The following NCAM2 variants were observed in gnomAD, a reference collection of about 807,000 sequenced individuals.
NCAM2 encodes neural cell adhesion molecule 2, also known as N-CAM-2.
Under a neutral mutation model 98.1 loss-of-function variants are expected in NCAM2, and 30 were observed. The observed-to-expected ratio is 0.31, with a 90% CI of 0.23 to 0.41. NCAM2 has a LOEUF of 0.41. Among genes scored for constraint, NCAM2 ranks in the 10% least tolerant of loss-of-function variants. The pLI is 1.00. For missense variants in NCAM2, 867 were observed against 1,005.8 expected, an observed-to-expected ratio of 0.86 and a Z score of 1.87; for synonymous variants, 368 against 342.4, an observed-to-expected ratio of 1.07 and a Z score of -0.83.
intron 1 of NCAM2, among the ~76,000 whole-genome samples, chr21:21,051,181 C>A (rs1443824655): frequency 6.6e-6 from 1 of 152,096 alleles, no homozygotes; most frequent in Non-Finnish European, 1.5e-5. Context: ...GTTTTTTTCA[C>A]AGCCAGCAAG....
At chr21:21,308,515 C>T (rs752762052) in intron 5 of NCAM2, among the ~76,000 whole-genome samples, 1 of 151,980 alleles carries the variant, frequency 6.6e-6, no homozygotes, top group Non-Finnish European at 1.5e-5. Context: ...ATAAAGTATC[C>T]CATCCAACCA....
intron 1 of NCAM2, among the ~76,000 whole-genome samples, chr21:21,237,399 A>T (rs751995230): frequency 2.0e-5 from 3 of 152,172 alleles, no homozygotes; most frequent in African/African-American, 7.2e-5. Context: ...TAAATATTTT[A>T]TAGCAAATTG....
intron 12 of NCAM2, among the ~76,000 whole-genome samples, chr21:21,443,334 T>C (rs1446687248): frequency 6.6e-6 from 1 of 152,008 alleles, no homozygotes; most frequent in Non-Finnish European, 1.5e-5. Context: ...AAATGACGAG[T>C]TGATGGGTGC....
chr21:21,051,985 T>TAGAGTC (rs2065118178), intron 1 of NCAM2, among the ~76,000 whole-genome samples: 1 of 152,126 alleles, frequency 6.6e-6, no homozygotes, highest in East Asian at 1.9e-4. Context: ...ACTTTCATTT[T>TAGAGTC]AGAGTCAGAG....
intron 4 of NCAM2, 56 bp from the exon 5 acceptor site, chr21:21,292,048 T>C: frequency 6.4e-7 from 1 of 1,561,454 alleles, no homozygotes; most frequent in East Asian, 2.3e-5. Context: ...TTTAGAGCAC[T>C]CTGGACTTAG....
intron 1 of NCAM2, among the ~76,000 whole-genome samples, chr21:21,265,933 AT>A (rs1436079022): frequency 6.6e-6 from 1 of 152,132 alleles, no homozygotes; most frequent in Non-Finnish European, 1.5e-5. Context: ...AGATTGTTTT[AT>A]TATTCATACA....
At chr21:21,427,710 C>G (rs962053756) in intron 11 of NCAM2, among the ~76,000 whole-genome samples, 2 of 152,142 alleles carry the variant, frequency 1.3e-5, no homozygotes, top group Non-Finnish European at 2.9e-5. Context: ...CCATCTGACT[C>G]CTAGGTCATG....
intron 1 of NCAM2, among the ~76,000 whole-genome samples, chr21:21,075,439 A>G (rs1381421421): frequency 1.3e-5 from 2 of 152,202 alleles, no homozygotes; most frequent in African/African-American, 4.8e-5. Flanking sequence ...CATGATAAAG[A>G]TACTCTTCTT....
In NCAM2 at chr21:21,507,109, GA is replaced by G. The variant is rs113469804; in HGVS notation, c.2078-1732del. Among the ~76,000 whole-genome samples the G allele has an allele frequency of 5.0e-3, 710 of 142,784 alleles. 3 individuals carry two copies. Among genetic ancestry groups the G allele is most frequent in the Middle Eastern group, 0.026 (7 of 272 alleles). The allele number at this position is 142,784 out of a possible 152,430, so 93.7% of individuals were successfully genotyped here. A position where few individuals can be genotyped will look rare whatever the true frequency, so the allele number is the denominator to read the frequency against. ...TAAAAATAACTTAAACCTATTTTTTGAAAAAAAAAATAAAATAATGTAGACA... is the reference window on the plus strand; with the variant it reads ...TAAAAATAACTTAAACCTATTTTTTGAAAAAAAAATAAAATAATGTAGACA... On this transcript the variant is annotated intron_variant, in intron 15 of 17. Coordinates refer to ENST00000400546, the MANE Select transcript of NCAM2 (RefSeq NM_004540.5).
chr21:21,080,858 A>G (rs1487227088), intron 1 of NCAM2, among the ~76,000 whole-genome samples: 1 of 152,006 alleles, frequency 6.6e-6, no homozygotes, highest in Admixed American at 6.6e-5. Flanking sequence ...ATGTTCGACC[A>G]ATGGGTATAA....
intron 1 of NCAM2, among the ~76,000 whole-genome samples, chr21:21,116,045 G>C (rs891784917): frequency 3.1e-5 from 4 of 128,834 alleles, no homozygotes; most frequent in African/African-American, 1.1e-4. Flanking sequence ...GTGTGTGTGT[G>C]TCTTTCATGA....
intron 9 of NCAM2, among the ~76,000 whole-genome samples, chr21:21,402,872 C>A (rs1049641761): frequency 6.6e-6 from 1 of 151,690 alleles, no homozygotes; most frequent in African/African-American, 2.4e-5. Context: ...TTTTGAGAAA[C>A]CTCCATACAG....
At chr21:21,107,468 T>C (rs2066372149) in intron 1 of NCAM2, among the ~76,000 whole-genome samples, 1 of 152,088 alleles carries the variant, frequency 6.6e-6, no homozygotes, top group Non-Finnish European at 1.5e-5. Flanking sequence ...ACAGGTCAGT[T>C]TTTTCTGAAA....
chr21:21,360,519 T>C (rs1349963221), intron 8 of NCAM2, among the ~76,000 whole-genome samples: 1 of 152,034 alleles, frequency 6.6e-6, no homozygotes, highest in African/African-American at 2.4e-5. Context: ...AGATAATGTA[T>C]TTCATACTCT....
chr21:21,087,117 C>G (rs568573854), intron 1 of NCAM2, among the ~76,000 whole-genome samples: 1 of 151,638 alleles, frequency 6.6e-6, no homozygotes, highest in Non-Finnish European at 1.5e-5. Flanking sequence ...TATATTTTCC[C>G]TTAAGTCCTT....
intron 1 of NCAM2, among the ~76,000 whole-genome samples, chr21:21,280,339 CAG>C (rs1325559192): frequency 3.9e-5 from 6 of 152,206 alleles, no homozygotes; most frequent in African/African-American, 1.4e-4. Flanking sequence ...ACTTGACTAA[CAG>C]AATTTCAGAC....
chr21:21,008,676 T>C (rs1853455411), intron 1 of NCAM2, among the ~76,000 whole-genome samples: 1 of 152,204 alleles, frequency 6.6e-6, no homozygotes, highest in Non-Finnish European at 1.5e-5. Flanking sequence ...TACCAAAAAT[T>C]ACTTCTTGGT....
intron 9 of NCAM2, among the ~76,000 whole-genome samples, chr21:21,406,259 G>A (rs942843067): frequency 4.6e-5 from 7 of 152,188 alleles, no homozygotes; most frequent in Admixed American, 6.5e-5. Context: ...GATGGCAGTG[G>A]ATGAAAAGTT....
intron 9 of NCAM2, among the ~76,000 whole-genome samples, chr21:21,406,249 G>T (rs910988580): frequency 8.5e-5 from 13 of 152,188 alleles, no homozygotes; most frequent in Non-Finnish European, 1.5e-5. Flanking sequence ...TAGAGTGAGA[G>T]ATGGCAGTGG....
Sources: allele counts gnomAD v4.1 joint callset (sites outside exome capture counted in the v4.1 genomes callset), GRCh38; gene constraint gnomAD v4.1.1; transcripts MANE v1.5; gene names NCBI Gene and HGNC (gene_info 2026-07-23, HGNC 2026-07-21).